The following PROK1 variants were observed in gnomAD, a reference collection of about 807,000 sequenced individuals.
PROK1 encodes the protein prokineticin-1.
A neutral mutation model predicts 8.8 loss-of-function variants in PROK1; 10 were observed. The ratio of observed to expected loss-of-function variants is 1.13; its 90% CI spans 0.70 to 1.92. PROK1 has a LOEUF of 1.92. Ranked by LOEUF, PROK1 falls within the 30% of genes most tolerant of loss-of-function variation. The pLI, the probability that PROK1 is intolerant of heterozygous loss-of-function variation, is 0.00. For synonymous variants in PROK1, 57 were observed against 56.0 expected (o/e 1.02, Z -0.08); for missense variants, 140 against 139.7 (o/e 1.00, Z -0.01).
chr1:110,451,375 G>A, intron 1 of PROK1, 87 bp downstream of exon 1: 3 of 1,115,792 alleles, frequency 2.7e-6, no homozygotes, highest in Non-Finnish European at 4.1e-6. Context: ...CATGCAGGAG[G>A]CTCTGTTGGC....
At chr1:110,452,942 G>A (rs1342225951) in intron 1 of PROK1, among the ~76,000 whole-genome samples, 1 of 152,160 alleles carries the variant, frequency 6.6e-6, no homozygotes, top group Non-Finnish European at 1.5e-5. Flanking sequence ...GGTGTGAGAC[G>A]TGCCCTTGCT....
chr1:110,454,850 T>C (rs1664144723), intron 2 of PROK1, among the ~76,000 whole-genome samples: 2 of 152,240 alleles, frequency 1.3e-5, no homozygotes, highest in Admixed American at 6.5e-5. Flanking sequence ...GAACTTCCCT[T>C]CAGGGACACA....
intron 2 of PROK1, among the ~76,000 whole-genome samples, 175 bp from the exon 3 acceptor site, chr1:110,456,057 C>T (rs926408857): frequency 2.0e-5 from 3 of 152,210 alleles, no homozygotes; most frequent in African/African-American, 7.2e-5. Flanking sequence ...TGCTTAGCCA[C>T]ACCGTACCTC....
rs770879794 is a variant in PROK1 at position 110,456,302 on chromosome 1, C to T, written c.269C>T (p.Pro90Leu). The T allele has an allele frequency of 1.5e-4, 244 of 1,614,006 alleles. No homozygotes were observed. In the East Asian group the frequency reaches 3.3e-3, roughly 22 times the overall value. The change falls in exon 3 of 3, where the codon CCG becomes CTG. Residue 90 changes from proline to leucine, a missense_variant. By Grantham distance (98) the Pro-to-Leu change is moderately conservative (BLOSUM62 -3). Coordinates refer to ENST00000271331, the MANE Select transcript of PROK1 (RefSeq NM_032414.3). ...CCCAACCTGCTGTGCTCCAGGTTCC[C>T]GGACGGCAGGTACCGCTGCTCCATG... is the stretch of plus-strand genomic sequence containing the variant. ...CLPNLLCSRF[P>L]DGRYRCSMDL...
chr1:110,453,040 G>A (rs1448875640), intron 1 of PROK1, among the ~76,000 whole-genome samples: 3 of 152,172 alleles, frequency 2.0e-5, no homozygotes, highest in Admixed American at 6.5e-5. Context: ...TCCCTCTTGG[G>A]TCTGAGCAAG....
At position 110,454,077 on chromosome 1, in the gene PROK1, C is replaced by T. The variant is rs776177506; in HGVS notation, c.189C>T (p.Gly63=). The T allele has an allele frequency of 6.2e-7, 1 of 1,613,694 alleles. No individual in the cohort carries two copies. Among genetic ancestry groups the T allele is most frequent in the Non-Finnish European group, 8.5e-7 (1 of 1,179,980 alleles). The part of the protein sequence containing the change: ...LGREGEECHP[G]SHKVPFFRKR... Reference sequence around the variant, plus strand: ...GGGAAGGCGAGGAGTGCCACCCCGGCAGCCACAAGGTACTCTGCAGACACT... The same window carrying T: ...GGGAAGGCGAGGAGTGCCACCCCGGTAGCCACAAGGTACTCTGCAGACACT... The change falls in exon 2 of 3, where the codon GGC becomes GGT. Residue 63 remains glycine, a synonymous_variant. Coordinates refer to ENST00000271331, the MANE Select transcript of PROK1 (RefSeq NM_032414.3).
chr1:110,454,217 C>T, intron 2 of PROK1, 131 bp downstream of exon 2: 2 of 1,246,848 alleles, frequency 1.6e-6, no homozygotes, highest in Middle Eastern at 2.8e-4. Flanking sequence ...TCTAGGGAGG[C>T]TGTGGCTCCA....
intron 1 of PROK1, 52 bp from the exon 2 acceptor site, chr1:110,453,909 G>C: frequency 1.2e-6 from 2 of 1,612,748 alleles, no homozygotes; most frequent in Non-Finnish European, 1.7e-6. Flanking sequence ...CTTCCCTTCT[G>C]CTTTCTCTTG....
At chr1:110,453,155 A>G (rs991396615) in intron 1 of PROK1, among the ~76,000 whole-genome samples, 2 of 152,234 alleles carry the variant, frequency 1.3e-5, no homozygotes, top group African/African-American at 2.4e-5. Flanking sequence ...ATTTCAGCTC[A>G]GAAAAGCCAC....
Position 110,453,959 on chromosome 1 carries a change from A to G in PROK1, c.73-2A>G, listed in dbSNP as rs760342875. The G allele has an allele frequency of 3.7e-6, 6 of 1,614,008 alleles. No homozygotes were observed. The highest frequency in any genetic ancestry group is 5.1e-6 in the Non-Finnish European group (6 of 1,179,990). On this transcript the variant is annotated splice_acceptor_variant, in intron 1 of 2. Coordinates refer to ENST00000271331, the MANE Select transcript of PROK1 (RefSeq NM_032414.3). LOFTEE classifies it high-confidence loss of function. ...CTGTTCCCTTCTCTCTCCCTCCTAC[A>G]GGCCTGTGAGCGGGATGTCCAGTGT...
Position 110,456,713 on chromosome 1 carries a change from G to A in PROK1, c.*362G>A, listed in dbSNP as rs1664179878. The A allele has an allele frequency of 5.5e-6, 2 of 363,792 alleles. No individual in the cohort carries two copies. The highest frequency in any genetic ancestry group is 5.3e-6 in the Non-Finnish European group (1 of 187,154). The allele number at this position is 363,792 out of a possible 1,614,324, so 22.5% of individuals were successfully genotyped here. A position where few individuals can be genotyped will look rare whatever the true frequency, so the allele number is the denominator to read the frequency against. On this transcript the variant is annotated 3_prime_UTR_variant, in exon 3 of 3. Transcript: ENST00000271331. The stretch of plus-strand genomic sequence containing the variant: ...CCCCTCTCCCCACATGTATCCCTCG[G>A]TCTGAATTAGACATTCCTGGGCACA...
intron 1 of PROK1, 86 bp from the exon 2 acceptor site, chr1:110,453,875 T>TAA: frequency 6.3e-7 from 1 of 1,579,624 alleles, no homozygotes; most frequent in South Asian, 1.1e-5. Flanking sequence ...TGCTCCATCC[T>TAA]GATAAGGGCT....
chr1:110,454,019 T>A lies in PROK1; in HGVS notation c.131T>A (p.Leu44His), dbSNP rs1664131167. 1 of 1,614,058 alleles carries A rather than the reference T, an allele frequency of 6.2e-7. No individual in the cohort carries two copies. Among genetic ancestry groups the A allele is most frequent in the Non-Finnish European group, 8.5e-7 (1 of 1,180,018 alleles). The change falls in exon 2 of 3, where the codon CTT (leucine) becomes CAT (histidine). Residue 44 changes from leucine to histidine, a missense_variant. Leu to His is a moderately conservative substitution (Grantham distance 99). Transcript: ENST00000271331. ...AGTCCAISLW[L>H]RGLRMCTPLG... ...ACCTGCTGTGCCATCAGCCTGTGGC[T>A]TCGAGGGCTGCGGATGTGCACCCCG...
At position 110,456,881 on chromosome 1, in the gene PROK1, T is replaced by G. The variant is rs1570689874; in HGVS notation, c.*530T>G. On this transcript the variant is annotated 3_prime_UTR_variant, in exon 3 of 3. Transcript: ENST00000271331. ...TAGTTTCAGACCACAGACTCAAGAT[T>G]GGCTCTTCCCAGAGGGCAGCAGACA... The G allele has an allele frequency of 5.1e-6, 1 of 197,118 alleles. No individual in the cohort carries two copies. Among genetic ancestry groups the G allele is most frequent in the East Asian group, 1.2e-4 (1 of 8,402 alleles). The allele number at this position is 197,118 out of a possible 1,614,324, so 12.2% of individuals were successfully genotyped here.
rs115551791 is a variant in PROK1, at chr1:110,457,058, G to A, written c.*707G>A. On this transcript the variant is annotated 3_prime_UTR_variant, in exon 3 of 3. Transcript: ENST00000271331. ...GGCCCCCTCTTACCACACTTTACCA[G>A]TTAACCACTGAAGCCCCCAATTCCC... is the stretch of plus-strand genomic sequence containing the variant. The A allele has an allele frequency of 0.019, 2,976 of 154,336 alleles. 67 individuals are homozygous for A. Among genetic ancestry groups the A allele is most frequent in the African/African-American group, 0.053 (2,188 of 41,558 alleles). The allele number at this position is 154,336 out of a possible 1,614,324, so 9.6% of individuals were successfully genotyped here. A position where few individuals can be genotyped will look rare whatever the true frequency, so the allele number is the denominator to read the frequency against.
rs765713892 is a variant in PROK1 at position 110,451,888 on chromosome 1, GCA to G, written c.72+601_72+602del. Among the ~76,000 whole-genome samples the G allele has an allele frequency of 4.3e-3, 659 of 152,292 alleles. 5 individuals carry two copies. The highest frequency in any genetic ancestry group is 6.8e-3 in the Middle Eastern group (2 of 294). Reference sequence around the variant, plus strand: ...TTCAGCTGAGTGTACCCCAAAGCAAGCATCCAGATAACAAGTAGATATCCAGT... The same window carrying G: ...TTCAGCTGAGTGTACCCCAAAGCAAGTCCAGATAACAAGTAGATATCCAGT... On this transcript the variant is annotated intron_variant, in intron 1 of 2. Coordinates refer to ENST00000271331, the MANE Select transcript of PROK1 (RefSeq NM_032414.3).
At chr1:110,453,652 C>G (rs1664124123) in intron 1 of PROK1, among the ~76,000 whole-genome samples, 1 of 152,176 alleles carries the variant, frequency 6.6e-6, no homozygotes, top group African/African-American at 2.4e-5. Flanking sequence ...TCTACTTAGC[C>G]CTAGAAAAGC....
intron 1 of PROK1, among the ~76,000 whole-genome samples, chr1:110,451,724 C>A (rs1320532175): frequency 6.6e-6 from 1 of 152,110 alleles, no homozygotes; most frequent in East Asian, 1.9e-4. Context: ...TAATTAAAGG[C>A]AGTAAGCTTA....
rs1172970514 is a variant in PROK1 at position 110,456,758 on chromosome 1, C to T, written c.*407C>T. 3.1e-6 allele frequency: 1 copy of T among 327,218 alleles called. No homozygotes were observed. The highest frequency in any genetic ancestry group is 2.1e-5 in the African/African-American group (1 of 46,554). The allele number at this position is 327,218 out of a possible 1,614,324, so 20.3% of individuals were successfully genotyped here. A position where few individuals can be genotyped will look rare whatever the true frequency, so the allele number is the denominator to read the frequency against. On this transcript the variant is annotated 3_prime_UTR_variant, in exon 3 of 3. Transcript: ENST00000271331. ...GGCACAGGCTCTTGGGTGCATTGCT[C>T]AGAGTCCCAGGTCCTGGCCTGACCC...
Sources: gnomAD v4.1 joint callset for allele counts (sites outside exome capture counted in the v4.1 genomes callset) on GRCh38, gnomAD v4.1.1 for gene constraint, MANE v1.5 for transcripts, NCBI Gene and HGNC (gene_info 2026-07-23, HGNC 2026-07-21) for gene names.